DSCAM: variants seen among roughly 807,000 people sequenced by gnomAD.
DSCAM encodes DS cell adhesion molecule, also known as cell adhesion molecule DSCAM.
DSCAM carries 47 observed loss-of-function variants against 217.7 expected under a neutral mutation model. That is an observed-to-expected ratio of 0.22 (90% CI 0.17 to 0.28). The LOEUF (loss-of-function observed/expected upper bound fraction) is 0.28. Among genes scored for constraint, DSCAM ranks in the 10% least tolerant of loss-of-function variants. DSCAM has a pLI of 1.00. For missense variants in DSCAM, 2,080 were observed against 2,618.3 expected, an observed-to-expected ratio of 0.79 and a Z score of 4.49; for synonymous variants, 1,056 against 1,015.3, an observed-to-expected ratio of 1.04 and a Z score of -0.76.
At chr21:40,592,228 A>G (rs1257016553) in intron 3 of DSCAM, among the ~76,000 whole-genome samples, 3 of 152,168 alleles carry the variant, frequency 2.0e-5, no homozygotes, top group South Asian at 2.1e-4. Context: ...TGATAATGCA[A>G]TTAGTCTGTA....
At chr21:40,165,330 A>G (rs978918186) in intron 16 of DSCAM, among the ~76,000 whole-genome samples, 8 of 152,232 alleles carry the variant, frequency 5.3e-5, no homozygotes, top group African/African-American at 1.4e-4. Flanking sequence ...AGCTCATTAT[A>G]TAAACAGGCC....
intron 30 of DSCAM, among the ~76,000 whole-genome samples, chr21:40,050,059 G>C (rs1023687829): frequency 1.3e-5 from 2 of 152,226 alleles, no homozygotes; most frequent in Admixed American, 6.5e-5. Context: ...GTTACATGCA[G>C]GAAACATTTC....
intron 1 of DSCAM, among the ~76,000 whole-genome samples, chr21:40,834,043 G>A (rs2092033847): frequency 6.6e-6 from 1 of 152,134 alleles, no homozygotes; most frequent in Non-Finnish European, 1.5e-5. Context: ...AAGAACCACT[G>A]AAGAACACAG....
chr21:40,168,706 A>G (rs966890919), intron 15 of DSCAM, among the ~76,000 whole-genome samples: 7 of 152,170 alleles, frequency 4.6e-5, no homozygotes, highest in African/African-American at 7.2e-5. Flanking sequence ...GATAAAGGGT[A>G]GATTTGGGGA....
chr21:40,738,875 A>C (rs956593843), intron 1 of DSCAM, among the ~76,000 whole-genome samples: 1 of 152,160 alleles, frequency 6.6e-6, no homozygotes, highest in Non-Finnish European at 1.5e-5. Flanking sequence ...GCCATCCCTC[A>C]GCAGGGGCGA....
chr21:40,658,526 G>A (rs1340293284), intron 3 of DSCAM, among the ~76,000 whole-genome samples: 1 of 152,114 alleles, frequency 6.6e-6, no homozygotes, highest in Non-Finnish European at 1.5e-5. Flanking sequence ...CTCACCATGG[G>A]GCGTCCTGGG....
At chr21:40,132,327 C>A (rs964501372) in intron 19 of DSCAM, among the ~76,000 whole-genome samples, 6 of 152,166 alleles carry the variant, frequency 3.9e-5, no homozygotes, top group Non-Finnish European at 7.3e-5. Flanking sequence ...TGCCCAAAGA[C>A]CCACGGGCAG....
At chr21:40,198,640 A>T (rs2091039489) in intron 11 of DSCAM, among the ~76,000 whole-genome samples, 1 of 152,174 alleles carries the variant, frequency 6.6e-6, no homozygotes, top group Non-Finnish European at 1.5e-5. Context: ...ATACTTACCC[A>T]GATCCCCATG....
At chr21:40,810,629 G>T (rs187661184) in intron 1 of DSCAM, among the ~76,000 whole-genome samples, 67 of 152,206 alleles carry the variant, frequency 4.4e-4, no homozygotes, top group Non-Finnish European at 1.2e-4. Context: ...AGCTGGATGT[G>T]GTGGCACATG....
intron 3 of DSCAM, among the ~76,000 whole-genome samples, chr21:40,445,287 A>C (rs957565531): frequency 2.0e-5 from 3 of 152,202 alleles, no homozygotes; most frequent in Non-Finnish European, 4.4e-5. Context: ...GCACCTCAGA[A>C]GCTTTAATTG....
At chr21:40,093,455 A>T (rs2089636330) in intron 21 of DSCAM, among the ~76,000 whole-genome samples, 2 of 152,222 alleles carry the variant, frequency 1.3e-5, no homozygotes, top group Admixed American at 6.5e-5. Context: ...TACTCCAAGG[A>T]ATGAATGAGG....
chr21:40,224,815 C>T (rs543063454), intron 11 of DSCAM, among the ~76,000 whole-genome samples: 5 of 152,280 alleles, frequency 3.3e-5, no homozygotes, highest in African/African-American at 1.2e-4. Context: ...CTACATCTTA[C>T]GTTTCATATT....
chr21:40,169,211 GAGGGAAGCC>G (rs1256116642), intron 15 of DSCAM, among the ~76,000 whole-genome samples: 1 of 152,134 alleles, frequency 6.6e-6, no homozygotes, highest in East Asian at 1.9e-4. Context: ...CTTACTGGTT[GAGGGAAGCC>G]AGGTGAGGGC....
intron 8 of DSCAM, among the ~76,000 whole-genome samples, chr21:40,330,385 T>C (rs1266475221): frequency 2.3e-5 from 3 of 130,236 alleles, no homozygotes; most frequent in African/African-American, 8.9e-5. Context: ...ATATGTATTA[T>C]ATAATAAATA....
At chr21:40,220,198 G>A (rs994103575) in intron 11 of DSCAM, among the ~76,000 whole-genome samples, 2 of 152,190 alleles carry the variant, frequency 1.3e-5, no homozygotes, top group Admixed American at 1.3e-4. Flanking sequence ...TTGGGAAGAT[G>A]TGAGCACCTT....
chr21:40,705,365 G>C (rs78896847), intron 2 of DSCAM, among the ~76,000 whole-genome samples: 124 of 152,254 alleles, frequency 8.1e-4, no homozygotes, highest in Non-Finnish European at 1.4e-3. Context: ...CTGAGGTCCA[G>C]TCTTGAAAAT....
intron 3 of DSCAM, among the ~76,000 whole-genome samples, chr21:40,473,294 T>C (rs1244565896): frequency 6.6e-6 from 1 of 152,144 alleles, no homozygotes; most frequent in East Asian, 1.9e-4. Flanking sequence ...GTGGTTAAGG[T>C]TATACTGCAT....
rs547469309 is a variant in DSCAM, at chr21:40,337,408, G to A, written c.1783+693C>T. Among the ~76,000 whole-genome samples, 3 of 152,202 alleles carry A rather than the reference G, an allele frequency of 2.0e-5. 1 individual carries two copies. The highest frequency in any genetic ancestry group is 4.4e-5 in the Non-Finnish European group (3 of 68,042). On this transcript the variant is annotated intron_variant, in intron 8 of 32. Transcript: ENST00000400454. ...TATTTCATATTCAGCTCAGGAAACT[G>A]ACTTGTAGAATAGAAGAAATGAGTC... is the stretch of plus-strand genomic sequence containing the variant.
At chr21:40,018,740 G>C (rs1003526896) in intron 32 of DSCAM, among the ~76,000 whole-genome samples, 3 of 152,184 alleles carry the variant, frequency 2.0e-5, no homozygotes, top group Non-Finnish European at 4.4e-5. Context: ...GTTATCAAGA[G>C]GGCTCCAGTC....
Sources: allele counts gnomAD v4.1 joint callset (sites outside exome capture counted in the v4.1 genomes callset), GRCh38; gene constraint gnomAD v4.1.1; transcripts MANE v1.5; gene names NCBI Gene and HGNC (gene_info 2026-07-23, HGNC 2026-07-21).